ZBTB38: variants seen among roughly 807,000 people sequenced by gnomAD.
The protein encoded by ZBTB38 is zinc finger and BTB domain-containing protein 38.
A neutral mutation model predicts 76.8 loss-of-function variants in ZBTB38; 20 were observed. The ratio of observed to expected loss-of-function variants is 0.26; its 90% CI spans 0.18 to 0.38. ZBTB38 has a LOEUF of 0.38. Among genes scored for constraint, ZBTB38 ranks in the 10% least tolerant of loss-of-function variants. The pLI is 1.00. For synonymous variants in ZBTB38, 504 were observed against 544.2 expected, an observed-to-expected ratio of 0.93 and a Z score of 1.03; for missense variants, 1,082 against 1,482.3, an observed-to-expected ratio of 0.73 and a Z score of 4.43.
upstream of ZBTB38, chr3:141,367,081 C>T (rs999003081): frequency 1.3e-5 from 2 of 152,298 alleles, no homozygotes; most frequent in Admixed American, 6.5e-5. Context: ...TCCCTTCTCA[C>T]TCCTCCTGCA....
chr3:141,397,286 C>A (rs928776403), intron 4 of ZBTB38, among the ~76,000 whole-genome samples: 2 of 152,204 alleles, frequency 1.3e-5, no homozygotes, highest in Admixed American at 6.5e-5. Flanking sequence ...TTTTCTTCTG[C>A]AGCTTCCTTA....
At chr3:141,324,394 G>C (rs1942614143) in exon 1 of ZBTB38, 1 of 152,150 alleles carries the variant, frequency 6.6e-6, no homozygotes, top group African/African-American at 2.4e-5. Context: ...CAGTTCTTGG[G>C]GAAAAGAGGA....
intron 1 of ZBTB38, among the ~76,000 whole-genome samples, chr3:141,355,727 G>T (rs1943640478): frequency 6.6e-6 from 1 of 152,076 alleles, no homozygotes. Flanking sequence ...TCTTAGGGGG[G>T]TCACCAGTAG....
In ZBTB38 at chr3:141,445,604, C is replaced by T. The variant is rs951448458; in HGVS notation, c.3216C>T (p.Asn1072=). 1 of 1,614,100 alleles carries T rather than the reference C, an allele frequency of 6.2e-7. No homozygotes were observed. ...GLKEFVCQYC[N]KAFTLNETLK... The stretch of plus-strand genomic sequence containing the variant: ...AGGAGTTCGTCTGTCAGTATTGCAA[C>T]AAGGCATTCACCTTGAATGAGACCC... Residue 1072 remains asparagine, a synonymous_variant, in exon 6 of 6, where the codon AAC becomes AAT. Transcript: ENST00000321464. The surrounding 1 kb of genome is among the most constrained non-coding windows in gnomAD (Gnocchi z 6.5).
At chr3:141,436,572 A>G (rs1278951815) in intron 5 of ZBTB38, among the ~76,000 whole-genome samples, 1 of 152,086 alleles carries the variant, frequency 6.6e-6, no homozygotes, top group Non-Finnish European at 1.5e-5. Context: ...ATCTCGGCTC[A>G]CTGCAACCTC....
intron 4 of ZBTB38, among the ~76,000 whole-genome samples, chr3:141,401,964 C>A (rs931038865): frequency 7.2e-5 from 11 of 152,248 alleles, no homozygotes; most frequent in African/African-American, 2.7e-4. Context: ...CGACTTTCTG[C>A]GAATCCAGTG....
rs763981073 is a variant in ZBTB38 at position 141,445,613 on chromosome 3, C to T, written c.3225C>T (p.Phe1075=). 6.2e-7 allele frequency: 1 copy of T among 1,614,228 alleles called. No homozygotes were observed. The highest frequency in any genetic ancestry group is 1.1e-5 in the South Asian group (1 of 91,074). Residue 1075 remains phenylalanine, a synonymous_variant, in exon 6 of 6, where the codon TTC becomes TTT. Coordinates refer to ENST00000321464, the MANE Select transcript of ZBTB38 (RefSeq NM_001376113.1). This position sits in a 1 kb window ranked among gnomAD's most constrained non-coding sequence, Gnocchi z 6.5. ...EFVCQYCNKA[F]TLNETLKIHE... is the part of the protein sequence containing the mutation. ...TCTGTCAGTATTGCAACAAGGCATT[C>T]ACCTTGAATGAGACCCTCAAAATCC...
chr3:141,331,484 C>T (rs1255033993), intron 1 of ZBTB38, among the ~76,000 whole-genome samples: 1 of 152,228 alleles, frequency 6.6e-6, no homozygotes, highest in Non-Finnish European at 1.5e-5. Context: ...CAGCTTTCAC[C>T]TGTACAGCAC....
chr3:141,443,343 T>G lies in ZBTB38; in HGVS notation c.955T>G (p.Ser319Ala), dbSNP rs16851435. Reference sequence around the variant, plus strand: ...AAACAATGAAGGAGATGTCCATTTTTCCAGGGAAGATGAAAATCAATCTTC... The same window carrying G: ...AAACAATGAAGGAGATGTCCATTTTGCCAGGGAAGATGAAAATCAATCTTC... ...SPNNEGDVHF[S>A]REDENQSSDV... Residue 319 changes from serine (S) to alanine (A), a missense_variant, in exon 6 of 6, where the codon TCC (serine) becomes GCC (alanine). Ser to Ala is a moderately conservative substitution (Grantham distance 99). This residue lies in a region of ZBTB38 where 324 missense variants were observed against 359.1 expected (regional missense o/e 0.90). Coordinates refer to ENST00000321464, the MANE Select transcript of ZBTB38 (RefSeq NM_001376113.1). This position sits in a 1 kb window ranked among gnomAD's most constrained non-coding sequence, Gnocchi z 5.6. 0.12 allele frequency: 195,409 copies of G among 1,614,046 alleles called. 14,112 individuals carry two copies. Among genetic ancestry groups the G allele is most frequent in the East Asian group, 0.34 (15,184 of 44,850 alleles).
intron 4 of ZBTB38, among the ~76,000 whole-genome samples, chr3:141,397,770 G>T (rs1222831169): frequency 2.0e-5 from 3 of 152,198 alleles, no homozygotes; most frequent in Non-Finnish European, 4.4e-5. Flanking sequence ...TATCAATAAA[G>T]TTCGCCATCT....
chr3:141,396,419 A>G (rs1950365065), intron 4 of ZBTB38: 1 of 164,498 alleles, frequency 6.1e-6, no homozygotes, highest in Non-Finnish European at 1.3e-5. Flanking sequence ...TATTTCCACC[A>G]CATCTGCAGT....
intron 5 of ZBTB38, among the ~76,000 whole-genome samples, chr3:141,437,363 G>GA (rs2079042835): frequency 6.6e-6 from 1 of 152,046 alleles, no homozygotes; most frequent in Admixed American, 6.6e-5. Context: ...ACTCTCTGTT[G>GA]AACTCCCATA....
chr3:141,377,119 A>G (rs1198386481), intron 2 of ZBTB38, among the ~76,000 whole-genome samples: 1 of 152,242 alleles, frequency 6.6e-6, no homozygotes, highest in Admixed American at 6.5e-5. Context: ...CACTGGTATC[A>G]AGTCTTCCTG....
At chr3:141,330,639 G>T (rs2148879395) in intron 1 of ZBTB38, among the ~76,000 whole-genome samples, 1 of 152,336 alleles carries the variant, frequency 6.6e-6, no homozygotes, top group South Asian at 2.1e-4. Context: ...GCTGTGGTTT[G>T]AATGCTCCCC....
Position 141,398,161 on chromosome 3 carries a change from G to C in ZBTB38, c.-105-5766G>C, listed in dbSNP as rs370345707. ...ACAGGTATCAGGCCAGATGTGGCCC[G>C]AGGGACCAAATGGGTTTTGCAGGCC... is the stretch of plus-strand genomic sequence containing the variant. On this transcript the variant is annotated intron_variant, in intron 4 of 5. Coordinates refer to ENST00000321464, the MANE Select transcript of ZBTB38 (RefSeq NM_001376113.1). Among the ~76,000 whole-genome samples the C allele has an allele frequency of 8.6e-4, 131 of 152,308 alleles. 4 individuals carry two copies. In the South Asian group the frequency reaches 0.027, roughly 31 times the overall value.
chr3:141,330,172 G>A lies in ZBTB38; in HGVS notation c.-739+5716G>A, dbSNP rs577760026. On this transcript the variant is annotated intron_variant, in intron 1 of 7. Coordinates refer to the ZBTB38 transcript ENST00000509842. ...ATGATGGGCACTGGGAGGTGTACGT[G>A]TCCAGTGTTGACTATAGCCAGTGGC... Among the ~76,000 whole-genome samples, 3 of 152,300 alleles carry A rather than the reference G, an allele frequency of 2.0e-5. No homozygotes were observed. In the East Asian group the frequency reaches 5.8e-4, roughly 29 times the overall value.
At chr3:141,390,623 A>C (rs1948567395) in intron 4 of ZBTB38, among the ~76,000 whole-genome samples, 1 of 152,166 alleles carries the variant, frequency 6.6e-6, no homozygotes, top group East Asian at 1.9e-4. Flanking sequence ...CTTTAGTACT[A>C]GGTCATGCTA....
intron 2 of ZBTB38, among the ~76,000 whole-genome samples, chr3:141,371,045 C>CTTTCTTTTTTT (rs1944498561): frequency 4.2e-5 from 3 of 72,010 alleles, no homozygotes; most frequent in African/African-American, 7.8e-5. Flanking sequence ...TTCTTTCTTT[C>CTTTCTTTTTTT]TTTTTTTTTT....
chr3:141,327,294 GA>G (rs1942702115), intron 1 of ZBTB38, among the ~76,000 whole-genome samples: 1 of 152,114 alleles, frequency 6.6e-6, no homozygotes, highest in South Asian at 2.1e-4. Flanking sequence ...TGGAAAGGGG[GA>G]AAAAGAGAAA....
Sources: gnomAD v4.1 joint callset for allele counts (sites outside exome capture counted in the v4.1 genomes callset) on GRCh38, gnomAD v4.1.1 for gene constraint, gnomAD v4.1.1 regional missense constraint, Gnocchi (gnomAD v3.1) non-coding constraint, MANE v1.5 for transcripts, NCBI Gene and HGNC (gene_info 2026-07-23, HGNC 2026-07-21) for gene names.